Variants in DCAF6 observed in about 807,000 individuals in gnomAD.
The protein encoded by DCAF6 is DDB1 and CUL4 associated factor 6.
Under a neutral mutation model 125.1 loss-of-function variants are expected in DCAF6, and 54 were observed. That is an observed-to-expected ratio of 0.43 (90% CI 0.35 to 0.54). The LOEUF is 0.54. Among genes scored for constraint, DCAF6 ranks in the 20% least tolerant of loss-of-function variants. The probability of loss-of-function intolerance (pLI) is 0.01; values close to 1 mark genes in which losing one functional copy is unlikely to be tolerated. For missense variants in DCAF6, 934 were observed against 1,161.7 expected (o/e 0.80, Z 2.85); for synonymous variants, 371 against 390.4 (o/e 0.95, Z 0.58).
chr1:168,066,529 G>A (rs993531060), intron 20 of DCAF6, 64 bp downstream of exon 20: 1 of 1,179,050 alleles, frequency 8.5e-7, no homozygotes, highest in Non-Finnish European at 1.2e-6. Context: ...GCTTCCCTAA[G>A]AAAAATTAAA....
chr1:168,049,800 C>T (rs1296935527), intron 16 of DCAF6, among the ~76,000 whole-genome samples: 4 of 150,858 alleles, frequency 2.7e-5, no homozygotes, highest in South Asian at 2.1e-4. Flanking sequence ...GGACTACAGG[C>T]GCCTGCCACC....
intron 1 of DCAF6, among the ~76,000 whole-genome samples, chr1:167,938,264 GTGTGTGTT>G (rs985471465): frequency 2.1e-4 from 24 of 115,038 alleles, no homozygotes; most frequent in African/African-American, 1.2e-3. Flanking sequence ...GCTGGGGTGT[GTGTGTGTT>G]TGTGTGTGTA....
chr1:167,981,240 C>G (rs1039246923), intron 4 of DCAF6, among the ~76,000 whole-genome samples: 3 of 152,034 alleles, frequency 2.0e-5, no homozygotes, highest in African/African-American at 7.2e-5. Flanking sequence ...TTTATACTTT[C>G]AGTTTGTAGG....
At chr1:168,048,265 C>CAA (rs1689389876) in intron 16 of DCAF6, among the ~76,000 whole-genome samples, 1 of 152,110 alleles carries the variant, frequency 6.6e-6, no homozygotes, top group South Asian at 2.1e-4. Flanking sequence ...CTGCCATTTG[C>CAA]AAAGCCCAGT....
At chr1:168,014,136 GTC>G (rs1684652803) in intron 10 of DCAF6, among the ~76,000 whole-genome samples, 2 of 152,106 alleles carry the variant, frequency 1.3e-5, no homozygotes, top group Admixed American at 1.3e-4. Context: ...TATACTTTGT[GTC>G]TCTACTTCAT....
At chr1:167,980,110 G>A (rs1194502311) in intron 4 of DCAF6, among the ~76,000 whole-genome samples, 1 of 152,150 alleles carries the variant, frequency 6.6e-6, no homozygotes, top group African/African-American at 2.4e-5. Flanking sequence ...GAACACGGGA[G>A]GCAGAGGTTG....
At position 168,002,373 on chromosome 1, in the gene DCAF6, A is replaced by G. The variant is rs993767700; in HGVS notation, c.904-109A>G. 2.8e-5 allele frequency: 25 copies of G among 879,354 alleles called. No homozygotes were observed. The African/African-American group carries it at 4.0e-4, about 14-fold the overall frequency. The allele number at this position is 879,354 out of a possible 1,614,324, so 54.5% of individuals were successfully genotyped here. ...ATATTTTCATGTAGATCTAATTTGC[A>G]TACTCAAGAAGTAGGGAGATGGAAA... is the stretch of plus-strand genomic sequence containing the variant. On this transcript the variant is annotated intron_variant, in intron 7 of 21. Transcript: ENST00000367840.
upstream of DCAF6, chr1:167,936,637 C>T (rs1571533225): frequency 2.6e-6 from 1 of 386,686 alleles, no homozygotes; most frequent in South Asian, 3.2e-5. Flanking sequence ...GCCTCCGCCT[C>T]CTCCTGTTGG....
the DCAF6 span, among the ~76,000 whole-genome samples, chr1:167,866,961 T>C: frequency 2.4e-4 from 36 of 152,268 alleles, no homozygotes; most frequent in African/African-American, 8.7e-4. Flanking sequence ...AGGCAAAACC[T>C]AAACATAAAG....
the DCAF6 span, among the ~76,000 whole-genome samples, chr1:167,926,429 G>A: frequency 2.0e-5 from 3 of 152,166 alleles, no homozygotes; most frequent in African/African-American, 7.2e-5. Context: ...TTCTTCTTTG[G>A]TTAAGGTTGG....
chr1:167,907,189 A>C, the DCAF6 span, among the ~76,000 whole-genome samples: 4 of 152,250 alleles, frequency 2.6e-5, no homozygotes, highest in African/African-American at 9.6e-5. Context: ...GATGGGCTGG[A>C]ATACCATAGA....
intron 2 of DCAF6, among the ~76,000 whole-genome samples, chr1:167,957,390 G>T (rs1674946046): frequency 6.6e-6 from 1 of 152,072 alleles, no homozygotes; most frequent in South Asian, 2.1e-4. Context: ...TTCACTTAGT[G>T]TAATGTTTTC....
chr1:168,056,850 A>G (rs923050630), intron 17 of DCAF6, among the ~76,000 whole-genome samples: 1 of 152,234 alleles, frequency 6.6e-6, no homozygotes, highest in Non-Finnish European at 1.5e-5. Context: ...CTAGACAAGT[A>G]TTGAGTTCCT....
intron 6 of DCAF6, 114 bp from the exon 7 acceptor site, chr1:167,993,112 C>G (rs556649114): frequency 2.2e-6 from 2 of 927,590 alleles, no homozygotes; most frequent in Non-Finnish European, 3.2e-6. Context: ...AACGTGATGG[C>G]TTTTATTTGT....
Position 168,063,629 on chromosome 1 carries a change from C to T in DCAF6, c.2309C>T (p.Ala770Val). ...TIGDRIMRRS[A>V]VARIQEFFRR... is the part of the protein sequence containing the mutation. ...ATATGTAATTCATATAGACGCTCTG[C>T]TGTTGCCCGTATTCAGGAGTTCTTC... The change falls in exon 18 of 22, where the codon GCT becomes GTT. Residue 770 changes from alanine (A) to valine (V), a missense_variant. This residue lies in a region of DCAF6 where 559 missense variants were observed against 635.5 expected (regional missense o/e 0.88). Coordinates refer to ENST00000367840, the MANE Select transcript of DCAF6 (RefSeq NM_001198956.2). 1 of 1,581,472 alleles carries T rather than the reference C, an allele frequency of 6.3e-7. No individual in the cohort carries two copies. Among genetic ancestry groups the T allele is most frequent in the Non-Finnish European group, 8.6e-7 (1 of 1,166,742 alleles).
the DCAF6 span, chr1:167,905,214 A>C: frequency 3.3e-6 from 5 of 1,503,670 alleles, no homozygotes; most frequent in African/African-American, 1.4e-5. Flanking sequence ...AAGAAAATTG[A>C]AATAGAGGAA....
At chr1:167,878,307 G>T in the DCAF6 span, 1 of 899,820 alleles carries the variant, frequency 1.1e-6, no homozygotes, top group Non-Finnish European at 1.8e-6. Flanking sequence ...GGATTTTGAA[G>T]TCTGGGCCTT....
At chr1:167,901,625 C>T in the DCAF6 span, 2 of 1,607,404 alleles carry the variant, frequency 1.2e-6, no homozygotes, top group South Asian at 2.2e-5. Context: ...GACCCTATCC[C>T]AGCTGCCGTA....
chr1:168,073,082 A>C (rs986277878), intron 21 of DCAF6, among the ~76,000 whole-genome samples: 1 of 152,194 alleles, frequency 6.6e-6, no homozygotes, highest in Non-Finnish European at 1.5e-5. Flanking sequence ...AGGGCGAGAC[A>C]GGAGAATCGC....
Sources: allele counts gnomAD v4.1 joint callset (sites outside exome capture counted in the v4.1 genomes callset), GRCh38; gene constraint gnomAD v4.1.1; regional missense constraint gnomAD v4.1.1; transcripts MANE v1.5; gene names NCBI Gene and HGNC (gene_info 2026-07-23, HGNC 2026-07-21).